The following COL23A1 variants were observed in gnomAD, a reference collection of about 807,000 sequenced individuals.
The protein encoded by COL23A1 is collagen alpha-1(XXIII) chain.
Under a neutral mutation model 99.3 loss-of-function variants are expected in COL23A1, and 97 were observed. The observed-to-expected ratio is 0.98, with a 90% CI of 0.83 to 1.16. COL23A1 has a LOEUF of 1.16. Ranked by LOEUF, COL23A1 falls within the 50% of genes most tolerant of loss-of-function variation. The pLI is 0.00. For missense variants in COL23A1, 762 were observed against 757.4 expected, an observed-to-expected ratio of 1.01 and a Z score of -0.07; for synonymous variants, 320 against 308.2, an observed-to-expected ratio of 1.04 and a Z score of -0.40.
intron 4 of COL23A1, among the ~76,000 whole-genome samples, chr5:178,289,275 GC>G (rs543644303): frequency 1.2e-3 from 187 of 152,320 alleles, no homozygotes; most frequent in African/African-American, 4.3e-3. Flanking sequence ...CTGTCAATGT[GC>G]TTCTTGAGTG....
At position 178,400,746 on chromosome 5, in the gene COL23A1, TC is replaced by T. The variant is rs1764404324; in HGVS notation, c.362-93828del. On this transcript the variant is annotated intron_variant, in intron 2 of 28. Transcript: ENST00000390654. ...TCTACCTCATGTGTTCAAGTGATTC[TC>T]CTGCCTCAGCCTTCCAAGTACCTGG... 9.2e-5 allele frequency among the ~76,000 whole-genome samples: 14 copies of T among 152,116 alleles called. No homozygotes were observed. In the South Asian group the frequency reaches 2.7e-3, roughly 29 times the overall value.
chr5:178,444,792 T>C (rs1395439203), intron 2 of COL23A1, among the ~76,000 whole-genome samples: 1 of 152,150 alleles, frequency 6.6e-6, no homozygotes, highest in Non-Finnish European at 1.5e-5. Flanking sequence ...TGAGACTTTT[T>C]GTGAAAACAA....
intron 2 of COL23A1, among the ~76,000 whole-genome samples, chr5:178,375,853 G>A (rs758107672): frequency 7.9e-5 from 12 of 152,232 alleles, no homozygotes; most frequent in East Asian, 1.9e-4. Context: ...GATTATAGGC[G>A]CCTGCCACCA....
chr5:178,375,918 G>C (rs1168311893), intron 2 of COL23A1, among the ~76,000 whole-genome samples: 1 of 152,164 alleles, frequency 6.6e-6, no homozygotes, highest in Non-Finnish European at 1.5e-5. Context: ...ATGTTGGCCA[G>C]CTGGTCTCGA....
intron 2 of COL23A1, among the ~76,000 whole-genome samples, chr5:178,336,718 T>C (rs959280739): frequency 6.6e-6 from 1 of 152,246 alleles, no homozygotes; most frequent in Non-Finnish European, 1.5e-5. Context: ...GTTAATTTTA[T>C]GTGATGTGAA....
chr5:178,258,262 T>TATATATATATATATACACACACAC, intron 12 of COL23A1, among the ~76,000 whole-genome samples: 1 of 104,128 alleles, frequency 9.6e-6, no homozygotes. Flanking sequence ...TATATATATA[T>TATATATATATATATACACACACAC]ACACATGCAA....
chr5:178,385,382 T>C (rs1006538712), intron 2 of COL23A1, among the ~76,000 whole-genome samples: 5 of 152,176 alleles, frequency 3.3e-5, no homozygotes, highest in African/African-American at 9.6e-5. Context: ...CACGTCTTCA[T>C]GTCAGTAGGC....
At chr5:178,492,766 T>C (rs144168945) in intron 2 of COL23A1, among the ~76,000 whole-genome samples, 12 of 152,088 alleles carry the variant, frequency 7.9e-5, no homozygotes, top group Admixed American at 6.6e-4. Context: ...CAGAGGCTCC[T>C]GAGAGGTGTC....
chr5:178,499,184 C>A (rs1392609191), intron 2 of COL23A1, among the ~76,000 whole-genome samples: 1 of 152,112 alleles, frequency 6.6e-6, no homozygotes, highest in African/African-American at 2.4e-5. Context: ...AAAACACCCA[C>A]ACATAAAACC....
chr5:178,491,856 T>C (rs1053458760), intron 2 of COL23A1, among the ~76,000 whole-genome samples: 5 of 152,088 alleles, frequency 3.3e-5, no homozygotes, highest in Non-Finnish European at 2.9e-5. Flanking sequence ...TGCCTCAGCC[T>C]CCGGAGTAGC....
chr5:178,243,225 C>T (rs753840251), intron 25 of COL23A1, among the ~76,000 whole-genome samples: 10 of 150,010 alleles, frequency 6.7e-5, no homozygotes, highest in South Asian at 2.1e-4. Flanking sequence ...TGGTGGCTCC[C>T]GCCTGTAATC....
At chr5:178,424,904 A>G (rs17081217) in intron 2 of COL23A1, among the ~76,000 whole-genome samples, 10,030 of 152,240 alleles carry the variant, frequency 0.066, 1,032 homozygotes, top group East Asian at 0.49. Flanking sequence ...CACCCCGCTC[A>G]TTGGAGAAAA....
At chr5:178,346,138 A>T (rs1760956319) in intron 2 of COL23A1, among the ~76,000 whole-genome samples, 1 of 96,040 alleles carries the variant, frequency 1.0e-5, no homozygotes. Context: ...TAGATTTGTT[A>T]AAAAAAAATC....
intron 2 of COL23A1, among the ~76,000 whole-genome samples, chr5:178,552,761 TGG>T (rs71587663): frequency 6.6e-6 from 1 of 151,034 alleles, no homozygotes; most frequent in Non-Finnish European, 1.5e-5. Context: ...GTCGCCAGGC[TGG>T]GGTGCAGTGG....
At chr5:178,293,421 ACT>A (rs771548700) in intron 3 of COL23A1, among the ~76,000 whole-genome samples, 93 of 151,886 alleles carry the variant, frequency 6.1e-4, no homozygotes, top group Non-Finnish European at 7.5e-4. Flanking sequence ...GATTGTGCCA[ACT>A]CTCTCAGTGA....
chr5:178,531,144 G>A (rs988031154), intron 2 of COL23A1, among the ~76,000 whole-genome samples: 1 of 152,202 alleles, frequency 6.6e-6, no homozygotes, highest in Non-Finnish European at 1.5e-5. Context: ...TGGGATTACA[G>A]GTGTGAGCCA....
chr5:178,438,481 T>C (rs1766684632), intron 2 of COL23A1, among the ~76,000 whole-genome samples: 1 of 152,220 alleles, frequency 6.6e-6, no homozygotes, highest in Non-Finnish European at 1.5e-5. Context: ...AGTTCATCCC[T>C]GTATCTGACT....
chr5:178,354,862 G>A (rs145804032), intron 2 of COL23A1, among the ~76,000 whole-genome samples: 11 of 152,186 alleles, frequency 7.2e-5, no homozygotes, highest in African/African-American at 1.9e-4. Context: ...TTCGAAACCA[G>A]CCTGGGCAAT....
chr5:178,401,457 T>G (rs1191140098), intron 2 of COL23A1, among the ~76,000 whole-genome samples: 1 of 152,218 alleles, frequency 6.6e-6, no homozygotes, highest in Non-Finnish European at 1.5e-5. Flanking sequence ...GCATAGCGCA[T>G]TTGAGATCCA....
Sources: allele counts gnomAD v4.1 joint callset (sites outside exome capture counted in the v4.1 genomes callset), GRCh38; gene constraint gnomAD v4.1.1; transcripts MANE v1.5; gene names NCBI Gene and HGNC (gene_info 2026-07-23, HGNC 2026-07-21).